The following ACAP2 variants were observed in gnomAD, a reference collection of about 807,000 sequenced individuals.
ACAP2 encodes ArfGAP with coiled-coil, ankyrin repeat and PH domains 2, also known as arf-GAP with coiled-coil, ANK repeat and PH domain-containing protein 2.
ACAP2 carries 39 observed loss-of-function variants against 115.8 expected under a neutral mutation model. That is an observed-to-expected ratio of 0.34 (90% CI 0.26 to 0.44). The LOEUF is 0.44. ACAP2 is among the 20% of genes least tolerant of loss of function. The pLI is 1.00. For synonymous variants in ACAP2, 289 were observed against 315.8 expected (o/e 0.92, Z 0.90); for missense variants, 662 against 927.6 (o/e 0.71, Z 3.72).
At chr3:195,381,469 A>T (rs973395420) in intron 3 of ACAP2, among the ~76,000 whole-genome samples, 1 of 152,172 alleles carries the variant, frequency 6.6e-6, no homozygotes, top group African/African-American at 2.4e-5. Context: ...ATACCAAGGA[A>T]TCTAAGCTAA....
At chr3:195,398,471 C>T (rs1226372402) in intron 1 of ACAP2, among the ~76,000 whole-genome samples, 1 of 151,506 alleles carries the variant, frequency 6.6e-6, no homozygotes, top group South Asian at 2.1e-4. Context: ...ATGGTGAAAC[C>T]CTGTCTCTAC....
chr3:195,363,748 G>A (rs988616528), intron 4 of ACAP2, among the ~76,000 whole-genome samples: 7 of 152,040 alleles, frequency 4.6e-5, no homozygotes, highest in Non-Finnish European at 2.9e-5. Flanking sequence ...AAAGCAGCAT[G>A]GCACTGGCAT....
intron 1 of ACAP2, among the ~76,000 whole-genome samples, chr3:195,406,656 A>G (rs890286228): frequency 6.6e-6 from 1 of 152,174 alleles, no homozygotes. Flanking sequence ...TTGATCAAAC[A>G]CTCAGTTCCC....
At chr3:195,323,926 T>C (rs1729607731) in intron 9 of ACAP2, among the ~76,000 whole-genome samples, 1 of 152,214 alleles carries the variant, frequency 6.6e-6, no homozygotes, top group African/African-American at 2.4e-5. Context: ...GGATTGTTTG[T>C]AACACAAAGG....
At chr3:195,372,139 C>T (rs1292038409) in intron 4 of ACAP2, among the ~76,000 whole-genome samples, 1 of 152,130 alleles carries the variant, frequency 6.6e-6, no homozygotes, top group Non-Finnish European at 1.5e-5. Flanking sequence ...TACAAGGTTA[C>T]TCAATTAAGA....
intron 8 of ACAP2, among the ~76,000 whole-genome samples, chr3:195,331,419 C>T (rs1412986718): frequency 6.6e-6 from 1 of 151,968 alleles, no homozygotes; most frequent in African/African-American, 2.4e-5. Flanking sequence ...GAGAACTCCA[C>T]CTCATGCCTC....
At position 195,369,094 on chromosome 3, in the gene ACAP2, CAAAA is replaced by C. The variant is rs10540801; in HGVS notation, c.285+11911_285+11914del. 1.2e-4 allele frequency among the ~76,000 whole-genome samples: 13 copies of C among 111,510 alleles called. No individual in the cohort carries two copies. In the East Asian group the frequency reaches 2.2e-3, roughly 19 times the overall value. 73.2% of individuals were successfully genotyped at this position (111,510 alleles called of 152,430 possible). ...AGCAGAACTATGTCTCAAAAACAAA[CAAAA>C]AAAAAAAAAAGAGGAAGAAATTAAG... On this transcript the variant is annotated intron_variant, in intron 4 of 22. Coordinates refer to ENST00000326793, the MANE Select transcript of ACAP2 (RefSeq NM_012287.6).
chr3:195,369,394 A>AT (rs1186719610), intron 4 of ACAP2, among the ~76,000 whole-genome samples: 1 of 151,972 alleles, frequency 6.6e-6, no homozygotes, highest in African/African-American at 2.4e-5. Context: ...TTGATAAGTT[A>AT]TTTTTTTCCG....
chr3:195,409,759 C>T (rs1403754542), intron 1 of ACAP2, among the ~76,000 whole-genome samples: 2 of 151,256 alleles, frequency 1.3e-5, no homozygotes, highest in East Asian at 1.9e-4. Context: ...ACCTATAATC[C>T]CAGCTACTCG....
At chr3:195,382,341 TAGC>T (rs1734001480) in intron 2 of ACAP2, among the ~76,000 whole-genome samples, 1 of 152,004 alleles carries the variant, frequency 6.6e-6, no homozygotes, top group South Asian at 2.1e-4. Context: ...TCAACGCAGA[TAGC>T]TAAAGTGATT....
At chr3:195,399,590 A>G (rs988389867) in intron 1 of ACAP2, among the ~76,000 whole-genome samples, 27 of 148,814 alleles carry the variant, frequency 1.8e-4, no homozygotes, top group African/African-American at 3.0e-4. Context: ...CCCAGTGGGG[A>G]AAAAAAAAAC....
chr3:195,379,757 C>T (rs115452164), intron 4 of ACAP2, among the ~76,000 whole-genome samples: 133 of 152,292 alleles, frequency 8.7e-4, no homozygotes, highest in African/African-American at 3.0e-3. Flanking sequence ...TGAGGTATGA[C>T]TGTGCCATTG....
intron 7 of ACAP2, among the ~76,000 whole-genome samples, chr3:195,333,985 TA>T (rs1730338860): frequency 6.6e-6 from 1 of 152,142 alleles, no homozygotes; most frequent in Non-Finnish European, 1.5e-5. Flanking sequence ...AAGCTGACAT[TA>T]ATGGGCAGAG....
At chr3:195,417,324 C>T (rs1409133210) in intron 1 of ACAP2, among the ~76,000 whole-genome samples, 3 of 151,984 alleles carry the variant, frequency 2.0e-5, no homozygotes, top group African/African-American at 7.3e-5. Context: ...AACTCAAAAA[C>T]GGGCATCAAA....
chr3:195,374,321 C>T (rs896159429), intron 4 of ACAP2, among the ~76,000 whole-genome samples: 11 of 151,980 alleles, frequency 7.2e-5, no homozygotes, highest in African/African-American at 2.4e-4. Flanking sequence ...ACCCAGGAGG[C>T]GGAGGTTGCA....
intron 9 of ACAP2, among the ~76,000 whole-genome samples, chr3:195,321,574 C>T (rs980744164): frequency 1.3e-5 from 2 of 150,930 alleles, no homozygotes; most frequent in Non-Finnish European, 2.9e-5. Context: ...TTAAAGTTAC[C>T]ACTATTTTCT....
intron 16 of ACAP2, among the ~76,000 whole-genome samples, chr3:195,296,506 T>C (rs1366101531): frequency 2.6e-5 from 4 of 152,204 alleles, no homozygotes; most frequent in Non-Finnish European, 4.4e-5. Flanking sequence ...AGTCTTGTTT[T>C]AGTAAATAAT....
rs34378421 is a variant in ACAP2 at position 195,334,222 on chromosome 3, CAAA to C, written c.574-1102_574-1100del. Reference sequence around the variant, plus strand: ...AAAATCCTCCAAAAAAAACTATTTTCAAAAAAAAAAAAACCATTAAAACACAGA... The same window carrying C: ...AAAATCCTCCAAAAAAAACTATTTTCAAAAAAAAAACCATTAAAACACAGA... On this transcript the variant is annotated intron_variant, in intron 7 of 22. Transcript: ENST00000326793. 8.5e-3 allele frequency among the ~76,000 whole-genome samples: 1,083 copies of C among 128,062 alleles called. 18 individuals are homozygous for C. Among genetic ancestry groups the C allele is most frequent in the African/African-American group, 0.028 (1,030 of 36,762 alleles). 84.0% of individuals were successfully genotyped at this position (128,062 alleles called of 152,430 possible). A position where few individuals can be genotyped will look rare whatever the true frequency, so the allele number is the denominator to read the frequency against.
At chr3:195,433,250 G>A (rs958713833) in intron 1 of ACAP2, among the ~76,000 whole-genome samples, 6 of 152,058 alleles carry the variant, frequency 3.9e-5, no homozygotes, top group Non-Finnish European at 7.4e-5. Flanking sequence ...TAAATGTTAT[G>A]TGTAAATAGT....
Sources: gnomAD v4.1 joint callset for allele counts (sites outside exome capture counted in the v4.1 genomes callset) on GRCh38, gnomAD v4.1.1 for gene constraint, MANE v1.5 for transcripts, NCBI Gene and HGNC (gene_info 2026-07-23, HGNC 2026-07-21) for gene names.